RSRC1: variants seen among roughly 807,000 people sequenced by gnomAD.
RSRC1 encodes the protein serine/Arginine-related protein 53.
RSRC1 carries 39 observed loss-of-function variants against 49.1 expected under a neutral mutation model. The ratio of observed to expected loss-of-function variants is 0.79; its 90% CI spans 0.61 to 1.04. RSRC1 has a LOEUF of 1.04. Among genes scored for constraint, RSRC1 ranks in the 50% least tolerant of loss-of-function variants. The pLI, the probability that RSRC1 is intolerant of heterozygous loss-of-function variation, is 0.00. For missense variants in RSRC1, 388 were observed against 402.4 expected (o/e 0.96, Z 0.31); for synonymous variants, 143 against 130.8 (o/e 1.09, Z -0.63).
chr3:158,111,258 C>A (rs543812794), intron 1 of RSRC1, among the ~76,000 whole-genome samples: 17 of 152,200 alleles, frequency 1.1e-4, no homozygotes, highest in Non-Finnish European at 2.1e-4. Context: ...TATTCACTTT[C>A]TTTGCAGGCA....
At chr3:158,357,486 A>T (rs1037977764) in intron 6 of RSRC1, among the ~76,000 whole-genome samples, 3 of 152,200 alleles carry the variant, frequency 2.0e-5, no homozygotes, top group Non-Finnish European at 4.4e-5. Context: ...ATAACATATT[A>T]CACCTTTTTG....
intron 6 of RSRC1, among the ~76,000 whole-genome samples, chr3:158,408,404 A>C (rs1734263557): frequency 6.6e-6 from 1 of 152,210 alleles, no homozygotes; most frequent in South Asian, 2.1e-4. Flanking sequence ...ATCTAGCCAT[A>C]TAACAGAAAT....
intron 6 of RSRC1, among the ~76,000 whole-genome samples, chr3:158,445,745 A>G (rs904265130): frequency 2.0e-5 from 3 of 152,070 alleles, no homozygotes; most frequent in African/African-American, 7.2e-5. Context: ...AATAAAGCAA[A>G]TCTAAACAGG....
intron 3 of RSRC1, among the ~76,000 whole-genome samples, chr3:158,125,894 G>T (rs1325982884): frequency 6.6e-6 from 1 of 151,944 alleles, no homozygotes; most frequent in African/African-American, 2.4e-5. Flanking sequence ...CTGGTGTTAG[G>T]TGCATATATA....
chr3:158,343,959 T>C (rs1730401049), intron 5 of RSRC1, among the ~76,000 whole-genome samples: 1 of 151,966 alleles, frequency 6.6e-6, no homozygotes. Flanking sequence ...CCCAAGAAGC[T>C]CAGTGAACCC....
At chr3:158,199,206 C>T (rs1051234840) in intron 3 of RSRC1, among the ~76,000 whole-genome samples, 1 of 151,850 alleles carries the variant, frequency 6.6e-6, no homozygotes, top group African/African-American at 2.4e-5. Context: ...CCTTGCCTTC[C>T]ACCATGATTG....
intron 6 of RSRC1, among the ~76,000 whole-genome samples, chr3:158,379,222 A>G (rs1213269191): frequency 9.6e-6 from 1 of 104,448 alleles, no homozygotes; most frequent in African/African-American, 3.8e-5. Context: ...TTTTTTTGAG[A>G]CCGAGTCTCG....
chr3:158,139,715 C>A (rs1203174931), intron 3 of RSRC1, among the ~76,000 whole-genome samples: 1 of 149,826 alleles, frequency 6.7e-6, no homozygotes, highest in Non-Finnish European at 1.5e-5. Context: ...CTTACTGCAA[C>A]CTCCGCCTCC....
intron 4 of RSRC1, among the ~76,000 whole-genome samples, chr3:158,230,371 C>A (rs1578221271): frequency 6.6e-6 from 1 of 152,056 alleles, no homozygotes. Flanking sequence ...TCTGATTTGG[C>A]AGTCTAAGCA....
intron 7 of RSRC1, among the ~76,000 whole-genome samples, chr3:158,473,448 G>A (rs1738228514): frequency 6.6e-6 from 1 of 152,058 alleles, no homozygotes; most frequent in Admixed American, 6.6e-5. Context: ...TTACTCATAG[G>A]TGGGAATTGA....
intron 6 of RSRC1, among the ~76,000 whole-genome samples, chr3:158,381,434 C>T (rs1732690481): frequency 6.6e-6 from 1 of 152,186 alleles, no homozygotes; most frequent in Non-Finnish European, 1.5e-5. Flanking sequence ...TCTCGCAGTT[C>T]TTGCATATTT....
chr3:158,193,999 C>T (rs1296434801), intron 3 of RSRC1, among the ~76,000 whole-genome samples: 1 of 151,394 alleles, frequency 6.6e-6, no homozygotes, highest in Non-Finnish European at 1.5e-5. Context: ...ACAGGAGGAT[C>T]ACTTGAAGCT....
chr3:158,500,047 C>A (rs183603598), intron 7 of RSRC1, among the ~76,000 whole-genome samples: 7 of 152,042 alleles, frequency 4.6e-5, no homozygotes, highest in African/African-American at 1.7e-4. Flanking sequence ...CCTTGTATGC[C>A]GATTTTGCTG....
intron 7 of RSRC1, chr3:158,469,238 C>G (rs1560056346): frequency 3.0e-6 from 1 of 329,424 alleles, no homozygotes; most frequent in Non-Finnish European, 5.9e-6. Flanking sequence ...CTAAAAACTA[C>G]ATTATGTTTT....
chr3:158,525,704 TA>T (rs1209549778), intron 7 of RSRC1, among the ~76,000 whole-genome samples: 1 of 152,004 alleles, frequency 6.6e-6, no homozygotes, highest in Non-Finnish European at 1.5e-5. Context: ...GATATTCATA[TA>T]ATAGAATTCT....
intron 6 of RSRC1, among the ~76,000 whole-genome samples, chr3:158,459,601 T>A (rs1737515195): frequency 6.6e-6 from 1 of 152,084 alleles, no homozygotes; most frequent in Non-Finnish European, 1.5e-5. Flanking sequence ...AAATGGAATT[T>A]CTATTATCCT....
intron 6 of RSRC1, among the ~76,000 whole-genome samples, chr3:158,388,114 GAC>G (rs1384408999): frequency 6.6e-6 from 1 of 151,782 alleles, no homozygotes; most frequent in Non-Finnish European, 1.5e-5. Flanking sequence ...ATCTTTGTAA[GAC>G]ATTGGCTGAC....
intron 6 of RSRC1, among the ~76,000 whole-genome samples, chr3:158,374,412 G>A (rs753424999): frequency 7.2e-5 from 11 of 152,106 alleles, no homozygotes; most frequent in Non-Finnish European, 1.6e-4. Flanking sequence ...TTGCTCTTTT[G>A]TATGGTTCTT....
At chr3:158,174,949 A>T (rs1276143891) in intron 3 of RSRC1, among the ~76,000 whole-genome samples, 1 of 152,072 alleles carries the variant, frequency 6.6e-6, no homozygotes, top group Non-Finnish European at 1.5e-5. Flanking sequence ...GGTATATGAG[A>T]GTTCTCTGTG....
Sources: allele counts gnomAD v4.1 joint callset (sites outside exome capture counted in the v4.1 genomes callset), GRCh38; gene constraint gnomAD v4.1.1; transcripts MANE v1.5; gene names NCBI Gene and HGNC (gene_info 2026-07-23, HGNC 2026-07-21).